The following CAST variants were observed in gnomAD, a reference collection of about 807,000 sequenced individuals.
CAST encodes the protein MIR583 host.
In CAST, 76 loss-of-function variants were observed where a neutral mutation model predicts 119.6. That is an observed-to-expected ratio of 0.64 (90% confidence interval 0.53 to 0.77). The LOEUF (loss-of-function observed/expected upper bound fraction) is 0.77. CAST is among the 30% of genes least tolerant of loss of function. CAST has a pLI of 0.00. For missense variants in CAST, 953 were observed against 946.5 expected (o/e 1.01, Z -0.09); for synonymous variants, 319 against 331.6 (o/e 0.96, Z 0.41).
chr5:95,961,617 G>T, the CAST span: 1 of 1,606,440 alleles, frequency 6.2e-7, no homozygotes, highest in East Asian at 2.3e-5. Flanking sequence ...TCGCCGTCTC[G>T]GTGAGCTTCA....
chr5:96,167,130 A>T, the CAST span, among the ~76,000 whole-genome samples: 130 of 152,310 alleles, frequency 8.5e-4, 2 homozygotes, highest in East Asian at 0.023. Flanking sequence ...GTATTAAAGT[A>T]CTAAGAATTG....
At chr5:96,532,546 C>A (rs1016288113) in intron 1 of CAST, among the ~76,000 whole-genome samples, 4 of 152,030 alleles carry the variant, frequency 2.6e-5, no homozygotes, top group Non-Finnish European at 5.9e-5. Flanking sequence ...GAGACCCTGT[C>A]CATACAAAAA....
chr5:96,432,884 C>T, the CAST span: 4 of 1,613,834 alleles, frequency 2.5e-6, no homozygotes, highest in Non-Finnish European at 3.4e-6. Flanking sequence ...GGTCATAGCC[C>T]AGCTCCTCGG....
At chr5:96,295,216 T>A in the CAST span, among the ~76,000 whole-genome samples, 1 of 152,242 alleles carries the variant, frequency 6.6e-6, no homozygotes, top group Non-Finnish European at 1.5e-5. Context: ...AATCTCTCTT[T>A]TGAATCGAAT....
intron 1 of CAST, among the ~76,000 whole-genome samples, chr5:96,555,752 T>G (rs1323266246): frequency 6.6e-6 from 1 of 152,224 alleles, no homozygotes; most frequent in African/African-American, 2.4e-5. Flanking sequence ...TGGAGCCCAC[T>G]ACAGCTCAAG....
At chr5:96,315,309 C>A in the CAST span, among the ~76,000 whole-genome samples, 1 of 152,144 alleles carries the variant, frequency 6.6e-6, no homozygotes, top group Admixed American at 6.6e-5. Flanking sequence ...TAACTACATA[C>A]ACCTTCTTTT....
chr5:96,270,076 A>G, the CAST span, among the ~76,000 whole-genome samples: 2 of 152,194 alleles, frequency 1.3e-5, no homozygotes, highest in Non-Finnish European at 2.9e-5. Context: ...GGATGCAAGG[A>G]TGGCTCAATA....
At chr5:95,979,863 A>T in the CAST span, among the ~76,000 whole-genome samples, 7 of 152,196 alleles carry the variant, frequency 4.6e-5, no homozygotes, top group South Asian at 6.2e-4. Flanking sequence ...CAAGCCTGTT[A>T]TCCCAGCACT....
At chr5:96,661,515 T>C (rs1748477965), upstream of CAST, among the ~76,000 whole-genome samples, 1 of 150,884 alleles carries the variant, frequency 6.6e-6, no homozygotes, top group Admixed American at 6.6e-5. Flanking sequence ...AGTCCCAGAA[T>C]GATGATGCTA....
the CAST span, among the ~76,000 whole-genome samples, chr5:96,048,628 A>C: frequency 7.9e-5 from 12 of 152,128 alleles, no homozygotes; most frequent in African/African-American, 2.7e-4. Context: ...AACTCACCAT[A>C]AATGACCTAA....
the CAST span, among the ~76,000 whole-genome samples, chr5:96,067,630 C>T: frequency 2.0e-5 from 3 of 152,282 alleles, no homozygotes; most frequent in Non-Finnish European, 4.4e-5. Context: ...AGACCTTCCA[C>T]CTATCTGCAA....
chr5:96,440,445 A>G, the CAST span, among the ~76,000 whole-genome samples: 1 of 152,208 alleles, frequency 6.6e-6, no homozygotes, highest in Non-Finnish European at 1.5e-5. Flanking sequence ...CAGCAAGCCC[A>G]GTGGGTGCCC....
chr5:96,517,963 T>C, the CAST span, among the ~76,000 whole-genome samples: 1 of 152,240 alleles, frequency 6.6e-6, no homozygotes, highest in Admixed American at 6.5e-5. Flanking sequence ...GCAGATATTA[T>C]TCCCATTCTA....
upstream of CAST, among the ~76,000 whole-genome samples, chr5:96,524,880 A>AGT (rs1745574397): frequency 6.6e-6 from 1 of 152,246 alleles, no homozygotes; most frequent in Non-Finnish European, 1.5e-5. Context: ...GTAGAGCTCA[A>AGT]GTAGAGCTCA....
At chr5:96,106,961 C>A in the CAST span, among the ~76,000 whole-genome samples, 1 of 141,934 alleles carries the variant, frequency 7.0e-6, no homozygotes, top group African/African-American at 2.7e-5. Flanking sequence ...TGAATTGATC[C>A]CTTTACCATT....
the CAST span, among the ~76,000 whole-genome samples, chr5:96,235,009 A>G: frequency 6.6e-6 from 1 of 152,222 alleles, no homozygotes; most frequent in Non-Finnish European, 1.5e-5. Context: ...TACCTGAATA[A>G]ATCAAGTTTC....
intron 5 of CAST, among the ~76,000 whole-genome samples, chr5:96,727,209 T>C (rs572782449): frequency 2.6e-5 from 4 of 152,356 alleles, no homozygotes; most frequent in Admixed American, 2.6e-4. Flanking sequence ...ACCATGTAAA[T>C]AGTAATAAAT....
chr5:96,534,030 A>G (rs1306481804), intron 1 of CAST, among the ~76,000 whole-genome samples: 1 of 152,216 alleles, frequency 6.6e-6, no homozygotes, highest in Non-Finnish European at 1.5e-5. Flanking sequence ...ATGATAAAAT[A>G]TAAACTTTCA....
At position 96,693,548 on chromosome 5, in the gene CAST, A is replaced by G. The variant is rs578234392; in HGVS notation, c.139-2288A>G. ...CAAAAGCTAATAGCTGGAGTTTGGG[A>G]CAGCTGTGTCACATTGAAAACAGAC... On this transcript the variant is annotated intron_variant, in intron 2 of 31. Transcript: ENST00000675179. 2.0e-5 allele frequency among the ~76,000 whole-genome samples: 3 copies of G among 152,324 alleles called. No homozygotes were observed. In the South Asian group the frequency reaches 6.2e-4, roughly 32 times the overall value.
Sources: allele counts gnomAD v4.1 joint callset (sites outside exome capture counted in the v4.1 genomes callset), GRCh38; gene constraint gnomAD v4.1.1; transcripts MANE v1.5; gene names NCBI Gene and HGNC (gene_info 2026-07-23, HGNC 2026-07-21).